Variants in TTLL1 observed in about 807,000 individuals in gnomAD.
TTLL1 encodes polyglutamylase complex subunit TTLL1.
TTLL1 carries 33 observed loss-of-function variants against 47.8 expected under a neutral mutation model. The ratio of observed to expected loss-of-function variants is 0.69; its 90% CI spans 0.52 to 0.92. The LOEUF (loss-of-function observed/expected upper bound fraction) is 0.92. Among genes scored for constraint, TTLL1 ranks in the 40% least tolerant of loss-of-function variants. TTLL1 has a pLI of 0.00. For synonymous variants in TTLL1, 225 were observed against 214.1 expected (o/e 1.05, Z -0.45); for missense variants, 488 against 547.5 (o/e 0.89, Z 1.08).
chr22:43,048,419 G>A (rs1237718296), intron 9 of TTLL1, among the ~76,000 whole-genome samples: 3 of 150,804 alleles, frequency 2.0e-5, no homozygotes, highest in African/African-American at 4.9e-5. Flanking sequence ...GGGATCGCTT[G>A]AAGCTAGGAG....
chr22:43,051,127 T>C (rs1045519239), intron 9 of TTLL1, among the ~76,000 whole-genome samples: 4 of 152,196 alleles, frequency 2.6e-5, no homozygotes, highest in African/African-American at 7.2e-5. Flanking sequence ...GATGAACCAA[T>C]AGAGCCGGAG....
intron 5 of TTLL1, among the ~76,000 whole-genome samples, chr22:43,067,411 C>T (rs1263840314): frequency 1.3e-5 from 2 of 152,204 alleles, no homozygotes; most frequent in Admixed American, 6.6e-5. Context: ...GGCTTCAAAC[C>T]CAGGACCCTA....
intron 10 of TTLL1, among the ~76,000 whole-genome samples, chr22:43,045,911 C>T (rs1281155274): frequency 6.6e-6 from 1 of 152,120 alleles, no homozygotes; most frequent in Non-Finnish European, 1.5e-5. Flanking sequence ...ACACAATGAT[C>T]AAGTTCAGCA....
At chr22:43,040,093 T>C in intron 10 of TTLL1, 188 bp from the exon 11 acceptor site, 1 of 663,664 alleles carries the variant, frequency 1.5e-6, no homozygotes, top group Non-Finnish European at 2.5e-6. Flanking sequence ...GCCAGGTGGC[T>C]CTCGCAGCCC....
At chr22:43,064,440 T>C in intron 5 of TTLL1, 116 bp from the exon 6 acceptor site, 12 of 1,302,796 alleles carry the variant, frequency 9.2e-6, no homozygotes, top group East Asian at 2.6e-5. Context: ...AATTAAAGAG[T>C]TTTGGCTGGG....
intron 3 of TTLL1, among the ~76,000 whole-genome samples, chr22:43,072,653 T>C (rs1231991258): frequency 6.6e-6 from 1 of 151,934 alleles, no homozygotes; most frequent in African/African-American, 2.4e-5. Flanking sequence ...TGTATTTGTT[T>C]GTAGAGATGA....
rs1190822961 is a variant in TTLL1 at position 43,054,352 on chromosome 22, C to T, written c.892-2465G>A. Among the ~76,000 whole-genome samples, 18 of 152,220 alleles carry T rather than the reference C, an allele frequency of 1.2e-4. No homozygotes were observed. The East Asian group carries it at 1.7e-3, about 15-fold the overall frequency. On this transcript the variant is annotated intron_variant, in intron 8 of 10. Transcript: ENST00000266254. ...AAAACGAACCCACACACTGTGCTCA[C>T]GCACCACTTTGAAAGCAGGAAGAGC...
chr22:43,053,000 C>T (rs1339460836), intron 8 of TTLL1, among the ~76,000 whole-genome samples: 2 of 152,154 alleles, frequency 1.3e-5, no homozygotes, highest in African/African-American at 4.8e-5. Context: ...GCGGAGGTTG[C>T]AGTAAGCCGA....
chr22:43,043,343 C>T (rs151198975), intron 10 of TTLL1, among the ~76,000 whole-genome samples: 187 of 152,194 alleles, frequency 1.2e-3, no homozygotes, highest in African/African-American at 4.2e-3. Flanking sequence ...AACAAGCCAG[C>T]CTCTCCACCA....
chr22:43,083,097 C>T (rs1386767887), intron 1 of TTLL1, among the ~76,000 whole-genome samples: 2 of 151,742 alleles, frequency 1.3e-5, no homozygotes, highest in South Asian at 2.1e-4. Flanking sequence ...CTGGGCGCAG[C>T]GGCTCACGCC....
intron 1 of TTLL1, among the ~76,000 whole-genome samples, chr22:43,081,573 A>G (rs1346363381): frequency 6.6e-6 from 1 of 151,912 alleles, no homozygotes; most frequent in East Asian, 1.9e-4. Flanking sequence ...TTTTTGAGAC[A>G]GAGTCTCGCT....
chr22:43,074,041 C>A (rs956165583), intron 3 of TTLL1, among the ~76,000 whole-genome samples: 2 of 151,682 alleles, frequency 1.3e-5, no homozygotes, highest in Non-Finnish European at 2.9e-5. Context: ...TCATGCTGGT[C>A]TCCAACTCCT....
At chr22:43,053,259 G>C (rs1439013518) in intron 8 of TTLL1, among the ~76,000 whole-genome samples, 1 of 152,058 alleles carries the variant, frequency 6.6e-6, no homozygotes, top group African/African-American at 2.4e-5. Flanking sequence ...ACACGATAGA[G>C]GGCATCGGAC....
chr22:43,071,018 T>A (rs1258186898), intron 3 of TTLL1, among the ~76,000 whole-genome samples: 1 of 152,014 alleles, frequency 6.6e-6, no homozygotes, highest in Non-Finnish European at 1.5e-5. Context: ...GCTCAAGCAA[T>A]CCTCCTCTCT....
intron 9 of TTLL1, among the ~76,000 whole-genome samples, chr22:43,047,306 T>A (rs537230065): frequency 6.6e-6 from 1 of 152,208 alleles, no homozygotes; most frequent in South Asian, 2.1e-4. Context: ...GAGTAATATC[T>A]CATTAGTAAA....
intron 10 of TTLL1, among the ~76,000 whole-genome samples, chr22:43,043,074 G>T (rs1229775954): frequency 6.6e-6 from 1 of 151,606 alleles, no homozygotes; most frequent in Admixed American, 6.6e-5. Context: ...CCAAGTAGCT[G>T]GGATTACAGG....
Position 43,069,585 on chromosome 22 carries a change from A to G in TTLL1, c.322+51T>C, listed in dbSNP as rs750835007. On this transcript the variant is annotated intron_variant, in intron 4 of 10. Coordinates refer to ENST00000266254, the MANE Select transcript of TTLL1 (RefSeq NM_012263.5). ...CACCTCAGCGCCTCGCGCCCCAAAGAAAAAATTCAGCTGTTTACTGAAAAC... is the reference window on the plus strand; with the variant it reads ...CACCTCAGCGCCTCGCGCCCCAAAGGAAAAATTCAGCTGTTTACTGAAAAC... 12 of 1,611,544 alleles carry G rather than the reference A, an allele frequency of 7.4e-6. No homozygotes were observed. In the Admixed American group the frequency reaches 1.7e-4, roughly 23 times the overall value.
At chr22:43,077,611 G>A (rs1928592945) in intron 2 of TTLL1, among the ~76,000 whole-genome samples, 3 of 152,278 alleles carry the variant, frequency 2.0e-5, no homozygotes, top group Admixed American at 6.5e-5. Context: ...GCGCCACTGT[G>A]GGACTCGGAG....
chr22:43,050,093 T>C (rs1486081417), intron 9 of TTLL1, among the ~76,000 whole-genome samples: 2 of 149,508 alleles, frequency 1.3e-5, no homozygotes, highest in African/African-American at 2.5e-5. Flanking sequence ...TGAGACTCCG[T>C]CTCAAAAACA....
Sources: gnomAD v4.1 joint callset for allele counts (sites outside exome capture counted in the v4.1 genomes callset) on GRCh38, gnomAD v4.1.1 for gene constraint, MANE v1.5 for transcripts, NCBI Gene and HGNC (gene_info 2026-07-23, HGNC 2026-07-21) for gene names.